The following PSIP1 variants were observed in gnomAD, a reference collection of about 807,000 sequenced individuals.
PSIP1 encodes the protein PC4 and SRSF1 interacting protein 1, also known as PC4 and SFRS1-interacting protein.
In PSIP1, 19 loss-of-function variants were observed where a neutral mutation model predicts 74.7. The ratio of observed to expected loss-of-function variants is 0.25; its 90% CI spans 0.18 to 0.37. The LOEUF (loss-of-function observed/expected upper bound fraction) is 0.37. Among genes scored for constraint, PSIP1 ranks in the 10% least tolerant of loss-of-function variants. The pLI is 1.00. For synonymous variants in PSIP1, 222 were observed against 195.3 expected (o/e 1.14, Z -1.14); for missense variants, 601 against 614.3 (o/e 0.98, Z 0.23).
At chr9:15,479,332 A>G (rs775368262) in intron 7 of PSIP1, among the ~76,000 whole-genome samples, 3 of 152,182 alleles carry the variant, frequency 2.0e-5, no homozygotes, top group Admixed American at 6.5e-5. Flanking sequence ...TAAACCCATT[A>G]TTCATGATAA....
In PSIP1 at chr9:15,506,635, T is replaced by C. The variant is rs2037600681; in HGVS notation, c.75A>G (p.Val25=). ...TTACAGCTCCATCAGGAACTTCGTC[T>C]ACCTAAAAGAAAAGTGAGAAAAATT... ...MKGYPHWPAR[V]DEVPDGAVKP... Residue 25 remains valine (V), a splice_region_variant and synonymous_variant, in exon 3 of 16, where the codon GTA becomes GTG. Coordinates refer to ENST00000380733, the MANE Select transcript of PSIP1 (RefSeq NM_033222.5). 1.9e-6 allele frequency: 3 copies of C among 1,607,044 alleles called. No homozygotes were observed. In the African/African-American group the frequency reaches 4.0e-5, roughly 22 times the overall value.
At chr9:15,498,949 AT>A (rs1159080809) in intron 3 of PSIP1, among the ~76,000 whole-genome samples, 1 of 152,228 alleles carries the variant, frequency 6.6e-6, no homozygotes, top group Non-Finnish European at 1.5e-5. Flanking sequence ...TTTCTAAAAA[AT>A]AGGAGTAAAA....
At chr9:15,503,447 A>G (rs1439819407) in intron 3 of PSIP1, among the ~76,000 whole-genome samples, 1 of 152,126 alleles carries the variant, frequency 6.6e-6, no homozygotes, top group Non-Finnish European at 1.5e-5. Flanking sequence ...ACTTGAAACC[A>G]GGCGTTGGAG....
chr9:15,478,400 A>G (rs1236854144), intron 8 of PSIP1, 77 bp downstream of exon 8: 74 of 1,089,614 alleles, frequency 6.8e-5, no homozygotes, highest in Non-Finnish European at 9.1e-5. Flanking sequence ...GAAAACTGAT[A>G]AAATCGCAGA....
At chr9:15,502,579 C>T (rs540606364) in intron 3 of PSIP1, among the ~76,000 whole-genome samples, 1 of 152,148 alleles carries the variant, frequency 6.6e-6, no homozygotes, top group Admixed American at 6.6e-5. Context: ...CAACTTAGGA[C>T]ATTATTTACA....
At chr9:15,471,643 A>G (rs1041358180) in intron 10 of PSIP1, 5 of 949,990 alleles carry the variant, frequency 5.3e-6, no homozygotes, top group East Asian at 1.1e-4. Context: ...TGAGCTTTAG[A>G]TAAGTTATTT....
chr9:15,510,803 C>G lies in PSIP1; in HGVS notation c.-142+14G>C, dbSNP rs1466688459. The stretch of plus-strand genomic sequence containing the variant: ...CCGAGGGGGGGGCGGGGCGAGTCCC[C>G]GTCGCCCGCTCACCTGCCGGGGCCG... On this transcript the variant is annotated intron_variant, in intron 1 of 15. Coordinates refer to ENST00000380733, the MANE Select transcript of PSIP1 (RefSeq NM_033222.5). 6.6e-6 allele frequency: 1 copy of G among 151,996 alleles called. No homozygotes were observed. Among genetic ancestry groups the G allele is most frequent in the Non-Finnish European group, 1.5e-5 (1 of 68,008 alleles). The allele number at this position is 151,996 out of a possible 1,614,324, so 9.4% of individuals were successfully genotyped here.
intron 6 of PSIP1, among the ~76,000 whole-genome samples, chr9:15,480,275 A>C (rs1455898820): frequency 2.0e-5 from 3 of 152,226 alleles, no homozygotes; most frequent in Non-Finnish European, 4.4e-5. Context: ...AAATGTAAAC[A>C]TGAGGCAGCA....
At chr9:15,493,542 A>G (rs1400911688) in intron 3 of PSIP1, among the ~76,000 whole-genome samples, 1 of 152,202 alleles carries the variant, frequency 6.6e-6, no homozygotes, top group Non-Finnish European at 1.5e-5. Flanking sequence ...TTCTGGTACC[A>G]ATTTACCATA....
chr9:15,474,342 TAA>T, intron 8 of PSIP1, 105 bp from the exon 9 acceptor site: 1 of 962,834 alleles, frequency 1.0e-6, no homozygotes, highest in Non-Finnish European at 1.5e-6. Flanking sequence ...TAAAACAAAG[TAA>T]AAAGAGTGTC....
intron 3 of PSIP1, among the ~76,000 whole-genome samples, chr9:15,497,546 C>T (rs2037140020): frequency 1.3e-5 from 2 of 151,914 alleles, no homozygotes; most frequent in African/African-American, 2.4e-5. Context: ...AGGCTGGTCT[C>T]GAACTCCTGA....
chr9:15,476,982 G>C (rs981158880), intron 8 of PSIP1, among the ~76,000 whole-genome samples: 8 of 152,080 alleles, frequency 5.3e-5, no homozygotes, highest in Admixed American at 4.6e-4. Flanking sequence ...AGTTCCAGAG[G>C]AATCAGCCAA....
intron 10 of PSIP1, chr9:15,471,426 CTT>C (rs1471259086): frequency 2.7e-6 from 4 of 1,454,698 alleles, no homozygotes; most frequent in East Asian, 5.0e-5. Flanking sequence ...ATAAAGATAA[CTT>C]TAAGATACTA....
At chr9:15,498,544 T>C (rs1396613468) in intron 3 of PSIP1, among the ~76,000 whole-genome samples, 7 of 151,846 alleles carry the variant, frequency 4.6e-5, no homozygotes, top group African/African-American at 1.7e-4. Flanking sequence ...GTCCGACAGG[T>C]TTGGTGAACA....
intron 3 of PSIP1, among the ~76,000 whole-genome samples, chr9:15,504,327 T>C (rs1270581518): frequency 6.6e-6 from 1 of 150,542 alleles, no homozygotes. Flanking sequence ...GTTTAGTTTG[T>C]TTTGGTTTAA....
At position 15,472,802 on chromosome 9, in the gene PSIP1, G is replaced by T. The variant is rs1258313569; in HGVS notation, c.859-52C>A. The T allele has an allele frequency of 4.8e-6, 7 of 1,466,148 alleles. No individual in the cohort carries two copies. In the South Asian group the frequency reaches 5.1e-5, roughly 11 times the overall value. The allele number at this position is 1,466,148 out of a possible 1,614,324, so 90.8% of individuals were successfully genotyped here. A position where few individuals can be genotyped will look rare whatever the true frequency, so the allele number is the denominator to read the frequency against. On this transcript the variant is annotated intron_variant, in intron 9 of 15. Coordinates refer to ENST00000380733, the MANE Select transcript of PSIP1 (RefSeq NM_033222.5). ...TTTAACTATAAAGTCAGTGACTAGTGCTTATGGAATTATAATCTTGGGGGA... is the reference window on the plus strand; with the variant it reads ...TTTAACTATAAAGTCAGTGACTAGTTCTTATGGAATTATAATCTTGGGGGA...
At chr9:15,465,630 GAAGGAAAAA>G in intron 15 of PSIP1, 50 bp from the exon 16 acceptor site, 1 of 1,429,904 alleles carries the variant, frequency 7.0e-7, no homozygotes, top group Non-Finnish European at 9.6e-7. Flanking sequence ...TTCTCCTGAT[GAAGGAAAAA>G]AAGACATTAA....
At chr9:15,480,644 G>A (rs995392844) in intron 6 of PSIP1, among the ~76,000 whole-genome samples, 5 of 152,198 alleles carry the variant, frequency 3.3e-5, no homozygotes, top group African/African-American at 1.2e-4. Context: ...ATATAGGGCT[G>A]GACACAGTGG....
chr9:15,510,389 G>A (rs1301412154), intron 1 of PSIP1, 60 bp from the exon 2 acceptor site: 1 of 367,332 alleles, frequency 2.7e-6, no homozygotes, highest in Non-Finnish European at 4.9e-6. Context: ...GCCGCAAGGG[G>A]AGGGGGAGGG....
Sources: allele counts gnomAD v4.1 joint callset (sites outside exome capture counted in the v4.1 genomes callset), GRCh38; gene constraint gnomAD v4.1.1; transcripts MANE v1.5; gene names NCBI Gene and HGNC (gene_info 2026-07-23, HGNC 2026-07-21).